QRICH1: variants seen among roughly 807,000 people sequenced by gnomAD.
QRICH1 encodes the protein transcriptional regulator QRICH1.
In QRICH1, 16 loss-of-function variants were observed where a neutral mutation model predicts 87.1. That is an observed-to-expected ratio of 0.18 (90% CI 0.12 to 0.28). QRICH1 has a LOEUF of 0.28. QRICH1 is among the 10% of genes least tolerant of loss of function. The pLI is 1.00. For synonymous variants in QRICH1, 367 were observed against 368.4 expected, an observed-to-expected ratio of 1.00 and a Z score of 0.05; for missense variants, 647 against 951.7, an observed-to-expected ratio of 0.68 and a Z score of 4.21.
chr3:49,057,843 G>C lies in QRICH1; in HGVS notation c.357C>G (p.Leu119=), dbSNP rs770659431. Residue 119 remains leucine (L), a synonymous_variant, in exon 3 of 10, where the codon CTC becomes CTG. Coordinates refer to ENST00000395443, the MANE Select transcript of QRICH1 (RefSeq NM_198880.3). The surrounding 1 kb of genome is among the most constrained non-coding windows in gnomAD (Gnocchi z 5.4). ...GCTGGTGAACGGTGAGTTGTGGGGA[G>C]AGCTGAGCCGAGACCTGTTGCGGAG... ...QQSPQQVSAQ[L]SPQLTVHQPT... 1.2e-6 allele frequency: 2 copies of C among 1,614,126 alleles called. No individual in the cohort carries two copies. Among genetic ancestry groups the C allele is most frequent in the Non-Finnish European group, 1.7e-6 (2 of 1,180,038 alleles).
intron 6 of QRICH1, 85 bp from the exon 7 acceptor site, chr3:49,033,313 C>A (rs2093253836): frequency 2.6e-6 from 2 of 780,494 alleles, no homozygotes; most frequent in Admixed American, 3.6e-5. Context: ...AGCATAAGGA[C>A]CACACAGGAG....
At chr3:49,080,099 C>G (rs964981249) in intron 1 of QRICH1, among the ~76,000 whole-genome samples, 5 of 151,486 alleles carry the variant, frequency 3.3e-5, no homozygotes, top group Non-Finnish European at 4.4e-5. Flanking sequence ...ACTCTAATAT[C>G]TAATCACATA....
chr3:49,094,212 T>G, upstream of QRICH1: 8 of 374,440 alleles, frequency 2.1e-5, no homozygotes, highest in East Asian at 3.8e-5. Flanking sequence ...TAGTGGATCC[T>G]AGGGTATGGA....
intron 9 of QRICH1, among the ~76,000 whole-genome samples, chr3:49,031,140 C>T (rs2093235773): frequency 6.6e-6 from 1 of 152,068 alleles, no homozygotes; most frequent in East Asian, 1.9e-4. Context: ...GCACGAGCCA[C>T]CAAGCCCAGC....
At chr3:49,037,741 A>G (rs1399195344) in intron 6 of QRICH1, among the ~76,000 whole-genome samples, 1 of 151,790 alleles carries the variant, frequency 6.6e-6, no homozygotes, top group Non-Finnish European at 1.5e-5. Context: ...CCAAAAAAAA[A>G]AAAGGGCAGG....
chr3:49,060,730 G>A (rs1269399952), intron 2 of QRICH1, among the ~76,000 whole-genome samples: 1 of 152,210 alleles, frequency 6.6e-6, no homozygotes, highest in African/African-American at 2.4e-5. Context: ...ATTACCACCT[G>A]AGCTCCACCT....
At chr3:49,071,948 T>A (rs2041839619) in intron 2 of QRICH1, among the ~76,000 whole-genome samples, 1 of 152,142 alleles carries the variant, frequency 6.6e-6, no homozygotes. Flanking sequence ...CACCTCAGCC[T>A]CCCAAAGTGC....
intron 2 of QRICH1, among the ~76,000 whole-genome samples, chr3:49,064,355 C>A (rs905063037): frequency 6.6e-6 from 1 of 150,408 alleles, no homozygotes; most frequent in African/African-American, 2.4e-5. Flanking sequence ...ATTCTCTTAA[C>A]CTCTGCCTCC....
chr3:49,056,280 G>A (rs1366279416), intron 3 of QRICH1, among the ~76,000 whole-genome samples: 1 of 152,096 alleles, frequency 6.6e-6, no homozygotes, highest in Non-Finnish European at 1.5e-5. Context: ...GGCCGCCCCC[G>A]TAACACAAAA....
intron 3 of QRICH1, among the ~76,000 whole-genome samples, chr3:49,055,979 CCTA>C (rs1559936604): frequency 6.6e-6 from 1 of 150,968 alleles, no homozygotes; most frequent in Non-Finnish European, 1.5e-5. Context: ...GTGCCTGGCC[CCTA>C]CTTTTTTCTT....
intron 3 of QRICH1, among the ~76,000 whole-genome samples, chr3:49,052,654 C>G (rs1037432023): frequency 2.0e-5 from 3 of 152,114 alleles, no homozygotes; most frequent in Admixed American, 2.0e-4. Flanking sequence ...CACCACCATG[C>G]CCAGCTAATT....
intron 2 of QRICH1, among the ~76,000 whole-genome samples, chr3:49,066,276 A>C (rs1407111510): frequency 6.6e-6 from 1 of 151,796 alleles, no homozygotes; most frequent in African/African-American, 2.4e-5. Context: ...TGACAGTGAG[A>C]CCTCCATCTC....
intron 1 of QRICH1, among the ~76,000 whole-genome samples, chr3:49,081,490 C>A (rs1460740449): frequency 2.6e-5 from 4 of 151,716 alleles, no homozygotes; most frequent in African/African-American, 9.7e-5. Flanking sequence ...TAAAGTTCCA[C>A]ACCCCTGATT....
chr3:49,036,477 C>CT (rs1442749868), intron 6 of QRICH1, among the ~76,000 whole-genome samples: 1 of 152,122 alleles, frequency 6.6e-6, no homozygotes, highest in African/African-American at 2.4e-5. Context: ...GTCAAAAGGA[C>CT]TTAGGGGTCA....
At chr3:49,085,727 C>T (rs1310382661) in intron 1 of QRICH1, among the ~76,000 whole-genome samples, 1 of 150,060 alleles carries the variant, frequency 6.7e-6, no homozygotes, top group African/African-American at 2.5e-5. Context: ...CACTGCACTC[C>T]GGCCTGGGCA....
At chr3:49,044,305 A>G (rs1014717420) in intron 6 of QRICH1, 85 bp downstream of exon 6, 13 of 1,080,548 alleles carry the variant, frequency 1.2e-5, no homozygotes, top group Non-Finnish European at 1.8e-5. Flanking sequence ...CCTCACTCAC[A>G]TGCTTTTCAT....
chr3:49,056,456 T>G (rs1333355466), intron 3 of QRICH1, among the ~76,000 whole-genome samples: 1 of 152,212 alleles, frequency 6.6e-6, no homozygotes, highest in Non-Finnish European at 1.5e-5. Context: ...AGTGATGAGT[T>G]TGTAATCTAT....
intron 6 of QRICH1, among the ~76,000 whole-genome samples, chr3:49,035,615 C>T (rs941576292): frequency 6.7e-6 from 1 of 149,278 alleles, no homozygotes; most frequent in Non-Finnish European, 1.5e-5. Context: ...CCAGCCTGGG[C>T]AACATAGGGA....
rs1257760181 is a variant in QRICH1, at chr3:49,057,678, C to T, written c.522G>A (p.Val174=). The T allele has an allele frequency of 6.2e-7, 1 of 1,614,210 alleles. No individual in the cohort carries two copies. The highest frequency in any genetic ancestry group is 1.7e-5 in the Admixed American group (1 of 60,014). ...CAGCCTGGATCTGCTGGGCTGCTTGCACGTGCTGCACCTGGATCTGAGCTG... is the reference window on the plus strand; with the variant it reads ...CAGCCTGGATCTGCTGGGCTGCTTGTACGTGCTGCACCTGGATCTGAGCTG... ...LQAAQIQVQH[V]QAAQQIQAAE... The change falls in exon 3 of 10, where the codon GTG becomes GTA. Residue 174 remains valine (V), a synonymous_variant. Coordinates refer to ENST00000395443, the MANE Select transcript of QRICH1 (RefSeq NM_198880.3). This position sits in a 1 kb window ranked among gnomAD's most constrained non-coding sequence, Gnocchi z 5.4.
Sources: allele counts gnomAD v4.1 joint callset (sites outside exome capture counted in the v4.1 genomes callset), GRCh38; gene constraint gnomAD v4.1.1; non-coding constraint Gnocchi (gnomAD v3.1); transcripts MANE v1.5; gene names NCBI Gene and HGNC (gene_info 2026-07-23, HGNC 2026-07-21).